The following SYTL2 variants were observed in gnomAD, a reference collection of about 807,000 sequenced individuals.
The protein encoded by SYTL2 is synaptotagmin-like protein 2.
In SYTL2, 165 loss-of-function variants were observed where a neutral mutation model predicts 198.7. The ratio of observed to expected loss-of-function variants is 0.83; its 90% confidence interval spans 0.73 to 0.94. The LOEUF (loss-of-function observed/expected upper bound fraction) is 0.94. Among genes scored for constraint, SYTL2 ranks in the 40% least tolerant of loss-of-function variants. The pLI is 0.00. For synonymous variants in SYTL2, 966 were observed against 917.7 expected, an observed-to-expected ratio of 1.05 and a Z score of -0.95; for missense variants, 2,835 against 2,582.8, an observed-to-expected ratio of 1.10 and a Z score of -2.12.
At chr11:85,698,207 T>A (rs1450330178) in intron 17 of SYTL2, 129 bp from the exon 18 acceptor site, 2 of 637,226 alleles carry the variant, frequency 3.1e-6, no homozygotes, top group African/African-American at 3.7e-5. Context: ...TCATCTGAAC[T>A]GATTAAATCT....
At chr11:85,758,475 C>A (rs1209937860) in intron 1 of SYTL2, among the ~76,000 whole-genome samples, 1 of 152,158 alleles carries the variant, frequency 6.6e-6, no homozygotes, top group East Asian at 1.9e-4. Context: ...AAGCAAGAAT[C>A]TAGAAATAAA....
At chr11:85,846,028 G>C in the SYTL2 span, among the ~76,000 whole-genome samples, 1 of 152,240 alleles carries the variant, frequency 6.6e-6, no homozygotes, top group South Asian at 2.1e-4. Flanking sequence ...GGCTTCAACT[G>C]AGATTAACTC....
the SYTL2 span, among the ~76,000 whole-genome samples, chr11:85,834,983 C>T: frequency 6.6e-6 from 1 of 152,068 alleles, no homozygotes; most frequent in Non-Finnish European, 1.5e-5. Flanking sequence ...TGGTCTTCAA[C>T]TCCTGGCTGC....
At chr11:85,787,410 G>A (rs1406554595) in intron 1 of SYTL2, among the ~76,000 whole-genome samples, 2 of 152,078 alleles carry the variant, frequency 1.3e-5, no homozygotes, top group Non-Finnish European at 2.9e-5. Context: ...GTAACTTTAT[G>A]GTTTTTTATA....
intron 1 of SYTL2, among the ~76,000 whole-genome samples, chr11:85,776,601 T>G (rs961466995): frequency 6.6e-6 from 1 of 152,222 alleles, no homozygotes; most frequent in Non-Finnish European, 1.5e-5. Context: ...TGTGGCTGCA[T>G]AGTATCCATG....
intron 2 of SYTL2, among the ~76,000 whole-genome samples, chr11:85,756,950 C>A (rs1439422451): frequency 1.3e-5 from 2 of 152,208 alleles, no homozygotes; most frequent in Non-Finnish European, 2.9e-5. Context: ...CAAGATTACA[C>A]AGGCAGTAAA....
chr11:85,792,395 C>T (rs2092743078), intron 1 of SYTL2, among the ~76,000 whole-genome samples: 1 of 152,074 alleles, frequency 6.6e-6, no homozygotes, highest in Non-Finnish European at 1.5e-5. Flanking sequence ...TCATTTCTCT[C>T]TTAACTTGTA....
intron 1 of SYTL2, among the ~76,000 whole-genome samples, chr11:85,768,207 G>A (rs1405336205): frequency 6.6e-6 from 1 of 152,156 alleles, no homozygotes; most frequent in East Asian, 1.9e-4. Context: ...CTGTGTGCAA[G>A]ATCTTCCTTG....
At position 85,726,247 on chromosome 11, in the gene SYTL2, C is replaced by A. The variant is rs767940638; in HGVS notation, c.3111G>T (p.Glu1037Asp). The change falls in exon 8 of 20, where the codon GAG (glutamate) becomes GAT (aspartate). Residue 1037 changes from glutamate to aspartate, a missense_variant. Glu to Asp is a conservative substitution (Grantham distance 45). Around this residue, in one of 3 missense-constraint regions of SYTL2, gnomAD observed 2,645 missense variants for 2,381.7 expected, o/e 1.11. Transcript: ENST00000359152. ...KLSGKNTHEA[E>D]VLLSPKKVMA... ...TAACTTTTTTTGGGCTTAGAAGCAC[C>A]TCTGCTTCATGGGTATTTTTACCTG... The A allele has an allele frequency of 6.2e-7, 1 of 1,613,730 alleles. No homozygotes were observed. Among genetic ancestry groups the A allele is most frequent in the Non-Finnish European group, 8.5e-7 (1 of 1,179,910 alleles).
At chr11:85,738,556 A>T (rs1366809861) in intron 4 of SYTL2, among the ~76,000 whole-genome samples, 1 of 152,176 alleles carries the variant, frequency 6.6e-6, no homozygotes, top group Non-Finnish European at 1.5e-5. Flanking sequence ...ACAAACTTGA[A>T]TCAAGCTATC....
rs1486745963 is a variant in SYTL2 at position 85,726,699 on chromosome 11, G to C, written c.2659C>G (p.Pro887Ala). 1.1e-5 allele frequency: 17 copies of C among 1,536,136 alleles called. No individual in the cohort carries two copies. Among genetic ancestry groups the C allele is most frequent in the African/African-American group, 1.4e-5 (1 of 73,024 alleles). Residue 887 changes from proline to alanine, a missense_variant, in exon 8 of 20, where the codon CCA (proline) becomes GCA (alanine). By Grantham distance (27) the Pro-to-Ala change is conservative. This residue lies in a region of SYTL2 where 2,645 missense variants were observed against 2,381.7 expected (regional missense o/e 1.11). Transcript: ENST00000359152. Reference sequence around the variant, plus strand: ...TCAGCTGAAAGATAGTATCTGGATGGACCTGCTATTTGTGGCTTGGTCTCT... The same window carrying C: ...TCAGCTGAAAGATAGTATCTGGATGCACCTGCTATTTGTGGCTTGGTCTCT... ...SKETKPQIAG[P>A]SRYYLSAEQS...
the SYTL2 span, among the ~76,000 whole-genome samples, chr11:85,817,897 C>CTTTTTTTTTTTTTTTTTTTTT: frequency 1.0e-4 from 12 of 119,872 alleles, 5 homozygotes; most frequent in Non-Finnish European, 6.7e-5. Context: ...ACCTTTGTGT[C>CTTTTTTTTTTTTTTTTTTTTT]TTTTCTTTTT....
At chr11:85,815,961 C>A (rs927357280), upstream of SYTL2, among the ~76,000 whole-genome samples, 3 of 152,026 alleles carry the variant, frequency 2.0e-5, no homozygotes, top group Admixed American at 6.5e-5. Flanking sequence ...CTCAGGAGTT[C>A]GAGACCACCC....
intron 2 of SYTL2, among the ~76,000 whole-genome samples, chr11:85,751,234 CTTCTTT>C (rs1214482471): frequency 1.3e-5 from 2 of 152,300 alleles, no homozygotes; most frequent in African/African-American, 4.8e-5. Context: ...TAATAATCAA[CTTCTTT>C]TTCTATCTTA....
the SYTL2 span, among the ~76,000 whole-genome samples, chr11:85,844,783 C>G: frequency 1.3e-5 from 2 of 152,086 alleles, no homozygotes; most frequent in African/African-American, 4.8e-5. Flanking sequence ...GAACCTGACC[C>G]TGTCCTGCCT....
At chr11:85,740,313 G>A (rs1222417011) in intron 4 of SYTL2, among the ~76,000 whole-genome samples, 1 of 152,086 alleles carries the variant, frequency 6.6e-6, no homozygotes, top group African/African-American at 2.4e-5. Flanking sequence ...CTCCTTGTAA[G>A]TGTTCTTTTT....
In SYTL2 at chr11:85,698,134, G is replaced by T. The variant is rs78176888; in HGVS notation, c.6269-56C>A. ...CTGCCAGTTCTCCCTTGGCAATACTGCGTCCAAAGATGTCAGCCTAAAAAT... is the reference window on the plus strand; with the variant it reads ...CTGCCAGTTCTCCCTTGGCAATACTTCGTCCAAAGATGTCAGCCTAAAAAT... On this transcript the variant is annotated intron_variant, in intron 17 of 19. Coordinates refer to ENST00000359152, the MANE Select transcript of SYTL2 (RefSeq NM_206927.4). 1,400 of 1,192,660 alleles carry T rather than the reference G, an allele frequency of 1.2e-3. 12 individuals are homozygous for T. The African/African-American group carries it at 0.018, about 15-fold the overall frequency. 73.9% of individuals were successfully genotyped at this position (1,192,660 alleles called of 1,614,324 possible).
Position 85,704,862 on chromosome 11 carries a change from C to A in SYTL2, c.6185G>T (p.Arg2062Leu), listed in dbSNP as rs140491589. ...NKQLRWYPLK[R>L]KTAPVALEAE... is the part of the protein sequence containing the mutation. ...AACAAAAAATTCCGGACTCACCTTC[C>A]GCTTCAGAGGGTACCATCTCAATTG... The change falls in exon 16 of 20, where the codon CGG becomes CTG. Residue 2062 changes from arginine (R) to leucine (L), a missense_variant. Arg to Leu is a moderately radical substitution (Grantham distance 102, BLOSUM62 -2). This residue lies in a region of SYTL2 where 2,645 missense variants were observed against 2,381.7 expected (regional missense o/e 1.11). Transcript: ENST00000359152. 6.2e-7 allele frequency: 1 copy of A among 1,611,426 alleles called. No homozygotes were observed. Among genetic ancestry groups the A allele is most frequent in the Non-Finnish European group, 8.5e-7 (1 of 1,178,396 alleles).
chr11:85,824,993 G>T, the SYTL2 span, among the ~76,000 whole-genome samples: 1 of 152,320 alleles, frequency 6.6e-6, no homozygotes, highest in East Asian at 1.9e-4. Context: ...AGGATGTCTG[G>T]ATCATTAGTG....
Sources: allele counts gnomAD v4.1 joint callset (sites outside exome capture counted in the v4.1 genomes callset), GRCh38; gene constraint gnomAD v4.1.1; regional missense constraint gnomAD v4.1.1; transcripts MANE v1.5; gene names NCBI Gene and HGNC (gene_info 2026-07-23, HGNC 2026-07-21).